LARGE1: variants seen among roughly 807,000 people sequenced by gnomAD.
The protein encoded by LARGE1 is xylosyl- and glucuronyltransferase LARGE1.
A neutral mutation model predicts 87.6 loss-of-function variants in LARGE1; 43 were observed. The ratio of observed to expected loss-of-function variants is 0.49; its 90% CI spans 0.38 to 0.63. The LOEUF is 0.63. Among genes scored for constraint, LARGE1 ranks in the 30% least tolerant of loss-of-function variants. The pLI, the probability that LARGE1 is intolerant of heterozygous loss-of-function variation, is 0.00. For missense variants in LARGE1, 802 were observed against 1,000.2 expected, an observed-to-expected ratio of 0.80 and a Z score of 2.67; for synonymous variants, 434 against 394.6, an observed-to-expected ratio of 1.10 and a Z score of -1.18.
At chr22:33,748,269 T>C (rs1308871919) in intron 2 of LARGE1, among the ~76,000 whole-genome samples, 1 of 151,628 alleles carries the variant, frequency 6.6e-6, no homozygotes, top group African/African-American at 2.4e-5. Flanking sequence ...GTAGCTGGGA[T>C]TACAGGTGCC....
intron 7 of LARGE1, among the ~76,000 whole-genome samples, chr22:33,402,110 T>C (rs1240831503): frequency 1.3e-5 from 2 of 152,234 alleles, no homozygotes; most frequent in African/African-American, 4.8e-5. Context: ...ATGCTTGTTT[T>C]TACAAACAAG....
rs201267374 is a variant in LARGE1, at chr22:33,304,221, G to A, written c.1730+8C>T. 8.7e-6 allele frequency: 14 copies of A among 1,614,074 alleles called. No individual in the cohort carries two copies. Among genetic ancestry groups the A allele is most frequent in the Non-Finnish European group, 1.1e-5 (13 of 1,180,038 alleles). On this transcript the variant is annotated splice_region_variant and intron_variant, in intron 12 of 14. Coordinates refer to ENST00000397394, the MANE Select transcript of LARGE1 (RefSeq NM_133642.5). The stretch of plus-strand genomic sequence containing the variant: ...TGGCCTGATGGCCAGGCCCCTGCAG[G>A]TCCTTACCTGAGGTACTCATAGAGC...
Position 33,771,207 on chromosome 22 carries a change from C to A in LARGE1, c.-82-9649G>T, listed in dbSNP as rs143000172. 1.8e-3 allele frequency among the ~76,000 whole-genome samples: 263 copies of A among 149,150 alleles called. 2 individuals are homozygous for A. Among genetic ancestry groups the A allele is most frequent in the African/African-American group, 5.8e-3 (235 of 40,452 alleles). On this transcript the variant is annotated intron_variant, in intron 1 of 14. Transcript: ENST00000397394. ...TTTTTTTGTATTCTCTCTTGTTCAG[C>A]GTAGATGCTGCCACGGTTTGTTACT...
chr22:33,431,604 C>T (rs531754505), intron 7 of LARGE1, among the ~76,000 whole-genome samples: 2 of 152,256 alleles, frequency 1.3e-5, no homozygotes, highest in South Asian at 4.1e-4. Flanking sequence ...GGAGGCATGG[C>T]CACACAACAT....
intron 3 of LARGE1, among the ~76,000 whole-genome samples, chr22:33,635,630 T>G (rs991328498): frequency 6.6e-6 from 1 of 151,958 alleles, no homozygotes; most frequent in Non-Finnish European, 1.5e-5. Context: ...AGACACAGAG[T>G]GGTTAAGTAA....
At chr22:33,620,859 G>A (rs541958418) in intron 4 of LARGE1, among the ~76,000 whole-genome samples, 5 of 152,238 alleles carry the variant, frequency 3.3e-5, no homozygotes, top group African/African-American at 1.2e-4. Context: ...GGAGGTTTCA[G>A]TGAGCTGAGA....
chr22:33,764,431 T>C (rs545442386), intron 1 of LARGE1, among the ~76,000 whole-genome samples: 1 of 152,196 alleles, frequency 6.6e-6, no homozygotes, highest in Non-Finnish European at 1.5e-5. Flanking sequence ...CTATATACTT[T>C]ACTCAAAATC....
intron 4 of LARGE1, among the ~76,000 whole-genome samples, chr22:33,613,114 T>A (rs1386198519): frequency 6.6e-6 from 1 of 152,194 alleles, no homozygotes; most frequent in African/African-American, 2.4e-5. Context: ...TCAGCCCAGG[T>A]GACAACCAAG....
At chr22:33,222,155 G>A (rs376152741) in intron 11 of LARGE1, among the ~76,000 whole-genome samples, 1 of 152,112 alleles carries the variant, frequency 6.6e-6, no homozygotes, top group Non-Finnish European at 1.5e-5. Context: ...GAATCATTTC[G>A]AACACGATAC....
the LARGE1 span, among the ~76,000 whole-genome samples, chr22:33,112,941 T>A: frequency 6.6e-6 from 1 of 152,084 alleles, no homozygotes; most frequent in Admixed American, 6.6e-5. Context: ...GTGTTAAAAT[T>A]GGTCAGAGGA....
chr22:33,288,440 G>A (rs1388004275), intron 12 of LARGE1, among the ~76,000 whole-genome samples: 1 of 152,126 alleles, frequency 6.6e-6, no homozygotes, highest in Non-Finnish European at 1.5e-5. Flanking sequence ...AATCCCTTAA[G>A]CTCTGTCAAT....
intron 6 of LARGE1, among the ~76,000 whole-genome samples, chr22:33,558,141 T>C (rs982293330): frequency 6.6e-6 from 1 of 152,154 alleles, no homozygotes; most frequent in Non-Finnish European, 1.5e-5. Flanking sequence ...GAATGTGAGA[T>C]GCGTGGAAAT....
intron 9 of LARGE1, among the ~76,000 whole-genome samples, chr22:33,343,460 T>C (rs1453590505): frequency 2.0e-5 from 3 of 152,154 alleles, no homozygotes; most frequent in Non-Finnish European, 2.9e-5. Flanking sequence ...TCCATATATA[T>C]ATATGATATT....
chr22:33,102,781 G>A, the LARGE1 span, among the ~76,000 whole-genome samples: 1 of 152,044 alleles, frequency 6.6e-6, no homozygotes, highest in Non-Finnish European at 1.5e-5. Context: ...GTAAACCACT[G>A]CACCTGGCAC....
chr22:33,374,126 T>C (rs1396900405), intron 9 of LARGE1, among the ~76,000 whole-genome samples: 2 of 152,162 alleles, frequency 1.3e-5, no homozygotes, highest in Non-Finnish European at 2.9e-5. Flanking sequence ...CTAAGGACCA[T>C]GTATTCCCCT....
chr22:33,459,301 G>T (rs1253788873), intron 6 of LARGE1, among the ~76,000 whole-genome samples: 1 of 152,058 alleles, frequency 6.6e-6, no homozygotes, highest in Non-Finnish European at 1.5e-5. Context: ...TTCAAACTGG[G>T]TTTTCTTCCC....
intron 1 of LARGE1, among the ~76,000 whole-genome samples, chr22:33,793,490 T>C (rs1340364158): frequency 2.0e-5 from 3 of 152,214 alleles, no homozygotes; most frequent in Middle Eastern, 3.2e-3. Flanking sequence ...GTTTTATTTA[T>C]TGCAAATCCA....
intron 4 of LARGE1, among the ~76,000 whole-genome samples, chr22:33,606,287 C>A (rs1469288698): frequency 6.6e-6 from 1 of 151,942 alleles, no homozygotes; most frequent in Non-Finnish European, 1.5e-5. Context: ...TGCCTGTAGT[C>A]CCAGCTACTT....
At chr22:33,698,403 C>G (rs922558858) in intron 2 of LARGE1, among the ~76,000 whole-genome samples, 1 of 146,470 alleles carries the variant, frequency 6.8e-6, no homozygotes, top group African/African-American at 2.6e-5. Flanking sequence ...AAGTTTCAAG[C>G]GATTCTCTTG....
Sources: allele counts gnomAD v4.1 joint callset (sites outside exome capture counted in the v4.1 genomes callset), GRCh38; gene constraint gnomAD v4.1.1; transcripts MANE v1.5; gene names NCBI Gene and HGNC (gene_info 2026-07-23, HGNC 2026-07-21).